Variants in DBF4B observed in about 807,000 individuals in gnomAD.
The protein encoded by DBF4B is protein DBF4 homolog B.
Under a neutral mutation model 53.4 loss-of-function variants are expected in DBF4B, and 49 were observed. That is an observed-to-expected ratio of 0.92 (90% confidence interval 0.73 to 1.16). DBF4B has a LOEUF of 1.16. Among genes scored for constraint, DBF4B ranks in the 50% most tolerant of loss-of-function variants. DBF4B has a pLI of 0.00. For missense variants in DBF4B, 692 were observed against 775.0 expected, an observed-to-expected ratio of 0.89 and a Z score of 1.27; for synonymous variants, 257 against 288.7, an observed-to-expected ratio of 0.89 and a Z score of 1.11.
chr17:44,723,216 C>T (rs1031131427), intron 3 of DBF4B, among the ~76,000 whole-genome samples, 194 bp downstream of exon 3: 2 of 152,200 alleles, frequency 1.3e-5, no homozygotes, highest in African/African-American at 4.8e-5. Context: ...AAGCAATTCT[C>T]CTGCCTCAAC....
intron 3 of DBF4B, among the ~76,000 whole-genome samples, chr17:44,727,384 A>G (rs1270418493): frequency 6.6e-6 from 1 of 152,004 alleles, no homozygotes; most frequent in South Asian, 2.1e-4. Flanking sequence ...GTGCCATTGC[A>G]CTCCAGCCCG....
At chr17:44,716,419 G>A (rs1273054824) in intron 2 of DBF4B, among the ~76,000 whole-genome samples, 1 of 152,100 alleles carries the variant, frequency 6.6e-6, no homozygotes, top group African/African-American at 2.4e-5. Flanking sequence ...TCAGTATACA[G>A]ATATTCTTTT....
At position 44,749,195 on chromosome 17, in the gene DBF4B, G is replaced by A; in HGVS notation, c.1189+730G>A. On this transcript the variant is annotated intron_variant, in intron 13 of 13. Transcript: ENST00000315005. The surrounding 1 kb of genome is among the most constrained non-coding windows in gnomAD (Gnocchi z 4.4). The stretch of plus-strand genomic sequence containing the variant: ...CTGCCAGCCAGTGCGGGAGCCAGCT[G>A]TTCCCGATGCCTCTGGGCCCCCCAG... 1 of 1,289,972 alleles carries A rather than the reference G, an allele frequency of 7.8e-7. No homozygotes were observed. Among genetic ancestry groups the A allele is most frequent in the Non-Finnish European group, 1.0e-6 (1 of 988,870 alleles). The allele number at this position is 1,289,972 out of a possible 1,614,324, so 79.9% of individuals were successfully genotyped here.
chr17:44,736,427 A>G (rs761843136), intron 7 of DBF4B, among the ~76,000 whole-genome samples: 1 of 152,214 alleles, frequency 6.6e-6, no homozygotes, highest in Non-Finnish European at 1.5e-5. Context: ...CTGGAACAGC[A>G]TCAGTACCTA....
chr17:44,720,738 CTG>C (rs78346683), intron 2 of DBF4B: 2 of 152,304 alleles, frequency 1.3e-5, no homozygotes, highest in South Asian at 2.1e-4. Context: ...TACGGTAACT[CTG>C]TGTTTAACCT....
intron 3 of DBF4B, among the ~76,000 whole-genome samples, chr17:44,724,436 G>A (rs1395941099): frequency 6.6e-5 from 10 of 152,116 alleles, no homozygotes; most frequent in South Asian, 2.1e-4. Context: ...GGAGTGCAGC[G>A]GCGCCATCTC....
intron 8 of DBF4B, among the ~76,000 whole-genome samples, chr17:44,737,366 A>G (rs569038189): frequency 2.8e-4 from 42 of 152,296 alleles, no homozygotes; most frequent in Non-Finnish European, 5.0e-4. Context: ...ATTCATGCAC[A>G]AGCAGGAGCT....
chr17:44,744,410 C>CAA (rs58723234), intron 10 of DBF4B, among the ~76,000 whole-genome samples: 24 of 123,158 alleles, frequency 1.9e-4, no homozygotes, highest in African/African-American at 3.0e-4. Flanking sequence ...GACCCTGTCT[C>CAA]AAAAAAAAAA....
intron 3 of DBF4B, among the ~76,000 whole-genome samples, chr17:44,724,408 C>T (rs530769050): frequency 6.6e-6 from 1 of 151,804 alleles, no homozygotes; most frequent in African/African-American, 2.4e-5. Flanking sequence ...GACAGTGTCT[C>T]GCTCTGTCAC....
At chr17:44,748,609 G>A (rs1328965877) in intron 13 of DBF4B, 144 bp downstream of exon 13, 3 of 1,524,470 alleles carry the variant, frequency 2.0e-6, no homozygotes, top group Non-Finnish European at 2.6e-6. Flanking sequence ...AGGGATACCA[G>A]TGTCCAGGAG....
At chr17:44,717,370 C>G (rs1973416827) in intron 2 of DBF4B, among the ~76,000 whole-genome samples, 1 of 151,974 alleles carries the variant, frequency 6.6e-6, no homozygotes, top group Non-Finnish European at 1.5e-5. Context: ...TACTCTTTAC[C>G]CAGCTTCCCC....
At chr17:44,725,750 G>A (rs905895066) in intron 3 of DBF4B, among the ~76,000 whole-genome samples, 9 of 145,090 alleles carry the variant, frequency 6.2e-5, no homozygotes, top group African/African-American at 1.6e-4. Flanking sequence ...GCAGGAGCGC[G>A]GTCATGGCTC....
At chr17:44,743,643 C>T (rs1174034140) in intron 10 of DBF4B, among the ~76,000 whole-genome samples, 1 of 141,992 alleles carries the variant, frequency 7.0e-6, no homozygotes, top group Non-Finnish European at 1.5e-5. Context: ...ATGAGTCCCA[C>T]ACTGTTGCCT....
rs1349891937 is a variant in DBF4B, at chr17:44,729,993, G to T, written c.314G>T (p.Arg105Ile). The change falls in exon 4 of 14, where the codon AGA becomes ATA. Residue 105 changes from arginine to isoleucine, a missense_variant. By Grantham distance (97) the Arg-to-Ile change is moderately conservative. This residue lies in a region of DBF4B where 597 missense variants were observed against 665.8 expected (regional missense o/e 0.90). Coordinates refer to ENST00000315005, the MANE Select transcript of DBF4B (RefSeq NM_145663.3). ...GCAGAGAGCAGTGGGAAAAGCCATA[G>T]AGGCTGCCCTAGCCCTAGCCCCAGT... ...VKAESSGKSH[R>I]GCPSPSPSEV... 6.2e-7 allele frequency: 1 copy of T among 1,613,946 alleles called. No homozygotes were observed. The highest frequency in any genetic ancestry group is 8.5e-7 in the Non-Finnish European group (1 of 1,180,032).
chr17:44,711,643 C>G (rs1247219193), intron 2 of DBF4B, among the ~76,000 whole-genome samples: 2 of 151,858 alleles, frequency 1.3e-5, no homozygotes, highest in African/African-American at 4.8e-5. Flanking sequence ...GAAACCCTGT[C>G]TCTACTAAAA....
At chr17:44,734,002 C>A in intron 6 of DBF4B, 88 bp from the exon 7 acceptor site, 2 of 1,100,928 alleles carry the variant, frequency 1.8e-6, no homozygotes, top group Middle Eastern at 2.0e-4. Flanking sequence ...GCTGGCCCAG[C>A]GAGTTTAGTC....
chr17:44,714,387 C>G (rs1973151807), intron 2 of DBF4B, among the ~76,000 whole-genome samples: 1 of 152,050 alleles, frequency 6.6e-6, no homozygotes. Context: ...TTTGGCTTTC[C>G]TGAAATTCTG....
In DBF4B at chr17:44,749,904, G is replaced by A. The variant is rs1006032597; in HGVS notation, c.1190-691G>A. The A allele has an allele frequency of 2.1e-5, 22 of 1,036,694 alleles. No homozygotes were observed. In the East Asian group the frequency reaches 2.4e-4, roughly 12 times the overall value. 64.2% of individuals were successfully genotyped at this position (1,036,694 alleles called of 1,614,324 possible). A position where few individuals can be genotyped will look rare whatever the true frequency, so the allele number is the denominator to read the frequency against. On this transcript the variant is annotated intron_variant, in intron 13 of 13. Transcript: ENST00000315005. This position sits in a 1 kb window ranked among gnomAD's most constrained non-coding sequence, Gnocchi z 4.4. ...CCCTCCCCCAGCCCCCCACGCTCCCGCACACAGATCCTCAGGAACATATGA... is the reference window on the plus strand; with the variant it reads ...CCCTCCCCCAGCCCCCCACGCTCCCACACACAGATCCTCAGGAACATATGA...
In DBF4B at chr17:44,729,943, C is replaced by T. The variant is rs769717083; in HGVS notation, c.264C>T (p.Ile88=). The change falls in exon 4 of 14, where the codon ATC becomes ATT. Residue 88 remains isoleucine, a synonymous_variant. Transcript: ENST00000315005. ...EGFLSKEVSY[I]VSSRREVKAE... is the part of the protein sequence containing the mutation. The stretch of plus-strand genomic sequence containing the variant: ...TTCTGAGCAAAGAAGTAAGTTACAT[C>T]GTGTCCAGCCGCAGAGAAGTAAAGG... The T allele has an allele frequency of 5.0e-6, 8 of 1,613,934 alleles. No homozygotes were observed. The highest frequency in any genetic ancestry group is 4.0e-5 in the African/African-American group (3 of 74,884).
Sources: gnomAD v4.1 joint callset for allele counts (sites outside exome capture counted in the v4.1 genomes callset) on GRCh38, gnomAD v4.1.1 for gene constraint, gnomAD v4.1.1 regional missense constraint, Gnocchi (gnomAD v3.1) non-coding constraint, MANE v1.5 for transcripts, NCBI Gene and HGNC (gene_info 2026-07-23, HGNC 2026-07-21) for gene names.